The following EHMT1 variants were observed in gnomAD, a reference collection of about 807,000 sequenced individuals.
EHMT1 encodes the protein euchromatic histone lysine methyltransferase 1.
EHMT1 carries 15 observed loss-of-function variants against 147.2 expected under a neutral mutation model. The ratio of observed to expected loss-of-function variants is 0.10; its 90% CI spans 0.07 to 0.16. The LOEUF (loss-of-function observed/expected upper bound fraction) is 0.16, where lower values mean the gene tolerates loss of function less well. Among genes scored for constraint, EHMT1 ranks in the 10% least tolerant of loss-of-function variants. The pLI is 1.00. For missense variants in EHMT1, 1,587 were observed against 1,772.4 expected (o/e 0.90, Z 1.88); for synonymous variants, 795 against 709.6 (o/e 1.12, Z -1.91).
rs777999570 is a variant in EHMT1 at position 137,710,980 on chromosome 9, G to C, written c.35G>C (p.Arg12Thr). Reference protein sequence around the residue: ...AAADAEAVPARGEPQQDCCVK... With the variant: ...AAADAEAVPATGEPQQDCCVK... ...TCTCTCTAACAGGCAGTTCCGGCGA[G>C]GGGGGAGCCTCAGCAGGATTGCTGT... The change falls in exon 2 of 27, where the codon AGG becomes ACG. Residue 12 changes from arginine to threonine, a missense_variant. Around this residue, in one of 7 missense-constraint regions of EHMT1, gnomAD observed 810 missense variants for 673.0 expected, o/e 1.20. Transcript: ENST00000460843. 4.1e-5 allele frequency: 65 copies of C among 1,597,504 alleles called. No individual in the cohort carries two copies. Among genetic ancestry groups the C allele is most frequent in the Admixed American group, 1.0e-4 (6 of 57,804 alleles).
chr9:137,800,767 T>A, intron 17 of EHMT1, 113 bp from the exon 18 acceptor site: 1 of 877,126 alleles, frequency 1.1e-6, no homozygotes. Context: ...GTGAGACGCC[T>A]GCACGAGGGG....
At chr9:137,703,672 C>T (rs913545863) in intron 1 of EHMT1, among the ~76,000 whole-genome samples, 38 of 152,268 alleles carry the variant, frequency 2.5e-4, no homozygotes, top group African/African-American at 8.9e-4. Flanking sequence ...GCTTGGACTT[C>T]ATTGTCCATA....
intron 1 of EHMT1, among the ~76,000 whole-genome samples, chr9:137,624,084 C>T (rs1480528218): frequency 6.6e-6 from 1 of 151,300 alleles, no homozygotes; most frequent in African/African-American, 2.4e-5. Flanking sequence ...ACTGCAACCT[C>T]CGTCTCCTGG....
In EHMT1 at chr9:137,813,980, G is replaced by C. The variant is rs1954703921; in HGVS notation, c.3180+450G>C. ...ATGCAGCCTGGTGCCCTCACTGCTT[G>C]CGCCTTCTCGAGCACTTTCCTTGTG... On this transcript the variant is annotated intron_variant, in intron 21 of 26. Coordinates refer to ENST00000460843, the MANE Select transcript of EHMT1 (RefSeq NM_024757.5). This position sits in a 1 kb window ranked among gnomAD's most constrained non-coding sequence, Gnocchi z 4.9. Among the ~76,000 whole-genome samples, 1 of 150,198 alleles carries C rather than the reference G, an allele frequency of 6.7e-6. No homozygotes were observed. The highest frequency in any genetic ancestry group is 2.1e-4 in the South Asian group (1 of 4,786).
chr9:137,621,657 C>T (rs1842944325), intron 1 of EHMT1, among the ~76,000 whole-genome samples: 2 of 151,914 alleles, frequency 1.3e-5, no homozygotes, highest in African/African-American at 4.8e-5. Context: ...TTGAATATAT[C>T]CTCCATTCCC....
At chr9:137,768,879 G>T (rs1231596070) in intron 10 of EHMT1, among the ~76,000 whole-genome samples, 1 of 151,902 alleles carries the variant, frequency 6.6e-6, no homozygotes, top group Non-Finnish European at 1.5e-5. Context: ...TAGAGACGGG[G>T]TTTCCCCATG....
At chr9:137,829,177 A>G (rs1956030000) in intron 25 of EHMT1, among the ~76,000 whole-genome samples, 1 of 152,168 alleles carries the variant, frequency 6.6e-6, no homozygotes, top group Admixed American at 6.5e-5. Flanking sequence ...TTCTCCACAC[A>G]GGTTCTTCTC....
At position 137,728,338 on chromosome 9, in the gene EHMT1, T is replaced by C; in HGVS notation, c.643-11T>C. 6.2e-7 allele frequency: 1 copy of C among 1,614,230 alleles called. No homozygotes were observed. On this transcript the variant is annotated splice_polypyrimidine_tract_variant and intron_variant, in intron 3 of 26. Coordinates refer to ENST00000460843, the MANE Select transcript of EHMT1 (RefSeq NM_024757.5). Reference sequence around the variant, plus strand: ...ATGCAGTTATAGTTATTCACTGTCTTTGTTTTGAAGCATGCAGCCAGTAAA... The same window carrying C: ...ATGCAGTTATAGTTATTCACTGTCTCTGTTTTGAAGCATGCAGCCAGTAAA...
At chr9:137,632,981 G>T (rs12336472) in intron 1 of EHMT1, among the ~76,000 whole-genome samples, 3,210 of 152,304 alleles carry the variant, frequency 0.021, 117 homozygotes, top group African/African-American at 0.067. Context: ...GCTGTGTGAA[G>T]AACGGATTGT....
intron 25 of EHMT1, among the ~76,000 whole-genome samples, chr9:137,833,425 G>A (rs1355010445): frequency 1.3e-5 from 2 of 152,238 alleles, no homozygotes; most frequent in Non-Finnish European, 2.9e-5. Flanking sequence ...GCACAGGCAG[G>A]GTGCTGCTGA....
At chr9:137,634,365 C>T (rs1843826114) in intron 1 of EHMT1, among the ~76,000 whole-genome samples, 1 of 152,184 alleles carries the variant, frequency 6.6e-6, no homozygotes, top group African/African-American at 2.4e-5. Flanking sequence ...TTTTCATGTA[C>T]AGTTGGCTCA....
rs552417238 is a variant in EHMT1, at chr9:137,698,257, C to T, written c.22-12710C>T. Among the ~76,000 whole-genome samples the T allele has an allele frequency of 1.3e-4, 20 of 152,362 alleles. No homozygotes were observed. In the South Asian group the frequency reaches 3.9e-3, roughly 30 times the overall value. On this transcript the variant is annotated intron_variant, in intron 1 of 26. Transcript: ENST00000460843. ...AGCAGGGATTGCCGTGGAAACTCCA[C>T]ACTTTGACTAGGAAAAGAAATGATC...
chr9:137,647,937 T>A (rs1267807698), intron 1 of EHMT1, among the ~76,000 whole-genome samples: 4 of 152,110 alleles, frequency 2.6e-5, no homozygotes. Context: ...CTGCTTTCTT[T>A]TTCTTCAGAG....
chr9:137,716,776 T>C lies in EHMT1; in HGVS notation c.236T>C (p.Val79Ala). 6.2e-7 allele frequency: 1 copy of C among 1,612,776 alleles called. No homozygotes were observed. Among genetic ancestry groups the C allele is most frequent in the Non-Finnish European group, 8.5e-7 (1 of 1,179,750 alleles). Residue 79 changes from valine (V) to alanine (A), a missense_variant, in exon 3 of 27, where the codon GTC becomes GCC. Physicochemically the swap from Val to Ala is moderately conservative, Grantham distance 64 (BLOSUM62 0). Transcript: ENST00000460843. Reference sequence around the variant, plus strand: ...AAGCACACTCAGGACAGCGCAAGGGTCAACCCCCAGGATGGCACCAACACA... The same window carrying C: ...AAGCACACTCAGGACAGCGCAAGGGCCAACCCCCAGGATGGCACCAACACA... ...AAKHTQDSAR[V>A]NPQDGTNTLT...
At chr9:137,711,498 G>T (rs757449199) in intron 2 of EHMT1, among the ~76,000 whole-genome samples, 10 of 152,168 alleles carry the variant, frequency 6.6e-5, no homozygotes, top group Non-Finnish European at 7.3e-5. Context: ...TTTGTTAAGT[G>T]AAGGAGGCCA....
intron 1 of EHMT1, among the ~76,000 whole-genome samples, chr9:137,620,349 A>T (rs886602567): frequency 5.9e-5 from 9 of 152,198 alleles, no homozygotes; most frequent in Admixed American, 1.3e-4. Context: ...CCTTTAGATC[A>T]GGCGCCTCCC....
At chr9:137,753,168 C>T (rs1949108257) in intron 7 of EHMT1, among the ~76,000 whole-genome samples, 1 of 152,018 alleles carries the variant, frequency 6.6e-6, no homozygotes, top group Non-Finnish European at 1.5e-5. Context: ...GGGGAAAGCT[C>T]GGCAAGTTTG....
In EHMT1 at chr9:137,834,843, TGCCGGCACTC is replaced by T. The variant is rs1470703342; in HGVS notation, c.3789_3798del (p.Cys1263Ter). 6.2e-7 allele frequency: 1 copy of T among 1,612,464 alleles called. No individual in the cohort carries two copies. ...CAGCTGCCGCTGCGGCTCCCCCAAG[TGCCGGCACTC>T]GAGCGCGGCCCTGGCCCAGCGTCAG... On this transcript the variant is annotated frameshift_variant, in exon 27 of 27. Coordinates refer to ENST00000460843, the MANE Select transcript of EHMT1 (RefSeq NM_024757.5). LOFTEE classifies it high-confidence loss of function.
chr9:137,791,744 G>GTT (rs140687217), intron 16 of EHMT1, among the ~76,000 whole-genome samples: 2 of 151,856 alleles, frequency 1.3e-5, no homozygotes, highest in African/African-American at 4.8e-5. Context: ...CAGCTTTTTT[G>GTT]TTTTTTTGAG....
Sources: allele counts gnomAD v4.1 joint callset (sites outside exome capture counted in the v4.1 genomes callset), GRCh38; gene constraint gnomAD v4.1.1; regional missense constraint gnomAD v4.1.1; non-coding constraint Gnocchi (gnomAD v3.1); transcripts MANE v1.5; gene names NCBI Gene and HGNC (gene_info 2026-07-23, HGNC 2026-07-21).